FCHO2: variants seen among roughly 807,000 people sequenced by gnomAD.
FCHO2 encodes FCH and mu domain containing endocytic adaptor 2.
FCHO2 carries 43 observed loss-of-function variants against 114.1 expected under a neutral mutation model. That is an observed-to-expected ratio of 0.38 (90% CI 0.30 to 0.49). The LOEUF (loss-of-function observed/expected upper bound fraction) is 0.49, where lower values mean the gene tolerates loss of function less well. Ranked by LOEUF, FCHO2 falls within the 20% of genes least tolerant of loss-of-function variation. The pLI, the probability that FCHO2 is intolerant of heterozygous loss-of-function variation, is 0.97. For missense variants in FCHO2, 807 were observed against 950.4 expected, an observed-to-expected ratio of 0.85 and a Z score of 1.98; for synonymous variants, 293 against 315.2, an observed-to-expected ratio of 0.93 and a Z score of 0.75.
At chr5:73,018,638 T>TA (rs1247914059) in intron 8 of FCHO2, among the ~76,000 whole-genome samples, 3 of 151,942 alleles carry the variant, frequency 2.0e-5, no homozygotes, top group Non-Finnish European at 4.4e-5. Context: ...GGGAAAGCTA[T>TA]AACCTTAGGA....
intron 5 of FCHO2, chr5:72,997,667 A>G: frequency 2.0e-6 from 3 of 1,526,518 alleles, no homozygotes; most frequent in Non-Finnish European, 2.7e-6. Flanking sequence ...CCTTCACCTG[A>G]GTTGGGGTTG....
chr5:73,082,737 T>G, intron 23 of FCHO2, 24 bp from the exon 24 acceptor site: 1 of 1,588,318 alleles, frequency 6.3e-7, no homozygotes, highest in Non-Finnish European at 8.6e-7. Flanking sequence ...ACACAAAACC[T>G]GAAGATATCT....
At chr5:73,074,681 A>G (rs1742826917) in intron 19 of FCHO2, 61 bp from the exon 20 acceptor site, 1 of 1,448,212 alleles carries the variant, frequency 6.9e-7, no homozygotes, top group Non-Finnish European at 9.5e-7. Flanking sequence ...GAATCTAACT[A>G]TCTTGATATT....
chr5:73,019,961 C>T (rs1489484034), intron 8 of FCHO2, among the ~76,000 whole-genome samples: 1 of 152,142 alleles, frequency 6.6e-6, no homozygotes, highest in African/African-American at 2.4e-5. Context: ...ACACCTCTCA[C>T]CAAGGCCACC....
intron 11 of FCHO2, among the ~76,000 whole-genome samples, chr5:73,048,323 G>A (rs1449235694): frequency 6.6e-6 from 1 of 151,922 alleles, no homozygotes; most frequent in African/African-American, 2.4e-5. Flanking sequence ...GGTGGTAGGC[G>A]CCTGTAATCC....
At position 73,006,395 on chromosome 5, in the gene FCHO2, GA is replaced by G; in HGVS notation, c.496-44del. 12 of 1,137,594 alleles carry G rather than the reference GA, an allele frequency of 1.1e-5. 1 individual carries two copies. The South Asian group carries it at 1.1e-4, about 11-fold the overall frequency. 70.5% of individuals were successfully genotyped at this position (1,137,594 alleles called of 1,614,324 possible). ...ATTCATATTAACTTACATTAGGAAAGAAAAAAGGTCAATGCACAGTTAAAAG... is the reference window on the plus strand; with the variant it reads ...ATTCATATTAACTTACATTAGGAAAGAAAAAGGTCAATGCACAGTTAAAAG... On this transcript the variant is annotated intron_variant, in intron 5 of 25. Transcript: ENST00000430046.
chr5:72,976,200 T>A (rs1165574135), intron 2 of FCHO2, among the ~76,000 whole-genome samples: 1 of 152,186 alleles, frequency 6.6e-6, no homozygotes, highest in Non-Finnish European at 1.5e-5. Context: ...TATCATTGTT[T>A]TAATTAGCAT....
At position 72,985,009 on chromosome 5, in the gene FCHO2, TTTG is replaced by T. The variant is rs557271400; in HGVS notation, c.126-4411_126-4409del. 1.6e-4 allele frequency among the ~76,000 whole-genome samples: 25 copies of T among 152,196 alleles called. 1 individual carries two copies. In the South Asian group the frequency reaches 5.2e-3, roughly 32 times the overall value. Reference sequence around the variant, plus strand: ...TCTATAGCCACCCACCTCCTTACCTTTTGTTGTTGAAGAAACCAGAGTATTTGT... The same window carrying T: ...TCTATAGCCACCCACCTCCTTACCTTTTGTTGAAGAAACCAGAGTATTTGT... On this transcript the variant is annotated intron_variant, in intron 2 of 25. Transcript: ENST00000430046.
intron 16 of FCHO2, among the ~76,000 whole-genome samples, chr5:73,056,958 GT>G (rs1757625977): frequency 6.6e-6 from 1 of 151,870 alleles, no homozygotes; most frequent in Non-Finnish European, 1.5e-5. Flanking sequence ...TGAGTTAATG[GT>G]TTTTTGCTTG....
Position 73,024,479 on chromosome 5 carries a change from G to A in FCHO2, c.796+7171G>A, listed in dbSNP as rs541995256. Among the ~76,000 whole-genome samples, 203 of 151,010 alleles carry A rather than the reference G, an allele frequency of 1.3e-3. 1 individual carries two copies. Among genetic ancestry groups the A allele is most frequent in the African/African-American group, 4.6e-3 (188 of 41,048 alleles). ...TTTGGAGTCGGAGTCTCGCTCCGTC[G>A]CCCAGGCTGGAGTGCAGTGGCATGG... On this transcript the variant is annotated intron_variant, in intron 8 of 25. Transcript: ENST00000430046.
At chr5:73,080,245 G>A (rs6884621) in intron 22 of FCHO2, among the ~76,000 whole-genome samples, 45,280 of 152,016 alleles carry the variant, frequency 0.3, 6,967 homozygotes, top group East Asian at 0.44. Flanking sequence ...ACAATGAGGT[G>A]TCAGTTTTAG....
At chr5:72,976,250 A>AT (rs916612397) in intron 2 of FCHO2, among the ~76,000 whole-genome samples, 9 of 151,318 alleles carry the variant, frequency 5.9e-5, no homozygotes, top group Admixed American at 2.0e-4. Context: ...TTTGCTTTTA[A>AT]TTTTTTTTTG....
intron 24 of FCHO2, among the ~76,000 whole-genome samples, chr5:73,086,665 C>CT (rs564392201): frequency 2.2e-4 from 33 of 152,260 alleles, no homozygotes; most frequent in African/African-American, 7.7e-4. Context: ...GTCTCCCAAC[C>CT]TTGCATCTTG....
chr5:73,008,640 A>G (rs1304936149), intron 6 of FCHO2, among the ~76,000 whole-genome samples: 1 of 152,210 alleles, frequency 6.6e-6, no homozygotes, highest in Non-Finnish European at 1.5e-5. Flanking sequence ...CATAATGTCC[A>G]CAGTTCCTTA....
chr5:73,002,218 T>G (rs747705431), intron 5 of FCHO2, among the ~76,000 whole-genome samples: 1 of 152,182 alleles, frequency 6.6e-6, no homozygotes, highest in Non-Finnish European at 1.5e-5. Flanking sequence ...AAAGCCTTAA[T>G]GGTTTTATCC....
At chr5:73,049,124 C>T (rs539556232) in intron 11 of FCHO2, among the ~76,000 whole-genome samples, 1 of 152,134 alleles carries the variant, frequency 6.6e-6, no homozygotes, top group East Asian at 1.9e-4. Flanking sequence ...GATCCGCCCG[C>T]CTCGGCCTCC....
chr5:73,065,168 G>A (rs545333591), intron 18 of FCHO2, among the ~76,000 whole-genome samples: 3 of 152,032 alleles, frequency 2.0e-5, no homozygotes, highest in African/African-American at 7.2e-5. Context: ...TAAAAGACTA[G>A]GTACAAGCTG....
intron 11 of FCHO2, among the ~76,000 whole-genome samples, chr5:73,046,815 A>G (rs1447147062): frequency 2.6e-5 from 4 of 152,070 alleles, no homozygotes; most frequent in Admixed American, 2.0e-4. Context: ...TTTTATTTCT[A>G]GTTTTTAATT....
At chr5:73,006,391 GAAAGA>G (rs1438341603) in intron 5 of FCHO2, 49 bp from the exon 6 acceptor site, 12 of 1,080,882 alleles carry the variant, frequency 1.1e-5, no homozygotes, top group Non-Finnish European at 1.5e-5. Context: ...CTTACATTAG[GAAAGA>G]AAAAAGGTCA....
Sources: gnomAD v4.1 joint callset for allele counts (sites outside exome capture counted in the v4.1 genomes callset) on GRCh38, gnomAD v4.1.1 for gene constraint, MANE v1.5 for transcripts, NCBI Gene and HGNC (gene_info 2026-07-23, HGNC 2026-07-21) for gene names.